RIOK1: variants seen among roughly 807,000 people sequenced by gnomAD.
RIOK1 encodes the protein RIO kinase 1.
Under a neutral mutation model 73.5 loss-of-function variants are expected in RIOK1, and 66 were observed. That is an observed-to-expected ratio of 0.90 (90% confidence interval 0.74 to 1.10). RIOK1 has a LOEUF of 1.10. RIOK1 is among the 50% of genes least tolerant of loss of function. The pLI, the probability that RIOK1 is intolerant of heterozygous loss-of-function variation, is 0.00. For missense variants in RIOK1, 658 were observed against 699.8 expected, an observed-to-expected ratio of 0.94 and a Z score of 0.67; for synonymous variants, 224 against 226.8, an observed-to-expected ratio of 0.99 and a Z score of 0.11.
In RIOK1 at chr6:7,395,897, G is replaced by A. The variant is rs552168099; in HGVS notation, c.367+754G>A. The stretch of plus-strand genomic sequence containing the variant: ...GCCAATTTTTATTTTCTGTAGAGAC[G>A]GGGTTTCTCCATGTTGACCAGGCTG... On this transcript the variant is annotated intron_variant, in intron 3 of 16. Transcript: ENST00000379834. 4.6e-5 allele frequency among the ~76,000 whole-genome samples: 7 copies of A among 152,078 alleles called. No homozygotes were observed. The South Asian group carries it at 1.0e-3, about 23-fold the overall frequency.
chr6:7,399,782 GAAGA>G (rs1761568421), intron 5 of RIOK1, among the ~76,000 whole-genome samples: 1 of 152,188 alleles, frequency 6.6e-6, no homozygotes, highest in Admixed American at 6.5e-5. Context: ...GTGCAGTAGA[GAAGA>G]AATGGAAACT....
At chr6:7,401,156 A>G in intron 6 of RIOK1, 106 bp downstream of exon 6, 1 of 723,444 alleles carries the variant, frequency 1.4e-6, no homozygotes, top group Non-Finnish European at 2.4e-6. Flanking sequence ...AGAAAAACAA[A>G]GCCATACACA....
At chr6:7,395,955 G>A (rs574856434) in intron 3 of RIOK1, among the ~76,000 whole-genome samples, 4 of 152,082 alleles carry the variant, frequency 2.6e-5, no homozygotes, top group Admixed American at 6.6e-5. Context: ...TGATCTGTCC[G>A]CCTCAGCCTC....
intron 8 of RIOK1, 127 bp from the exon 9 acceptor site, chr6:7,403,814 A>G: frequency 1.7e-6 from 1 of 601,670 alleles, no homozygotes; most frequent in Admixed American, 2.5e-5. Context: ...ATGAAATATT[A>G]TAATACATTT....
chr6:7,404,769 A>C, intron 10 of RIOK1, 149 bp from the exon 11 acceptor site: 2 of 878,438 alleles, frequency 2.3e-6, no homozygotes, highest in Non-Finnish European at 3.5e-6. Flanking sequence ...AAATTTTCCC[A>C]GTTCCATCTG....
rs570987208 is a variant in RIOK1 at position 7,402,857 on chromosome 6, G to A, written c.727G>A (p.Val243Met). Residue 243 changes from valine (V) to methionine (M), a missense_variant, in exon 8 of 17, where the codon GTG (valine) becomes ATG (methionine). Coordinates refer to ENST00000379834, the MANE Select transcript of RIOK1 (RefSeq NM_031480.3). ...GYCKGNPRKM[V>M]KTWAEKEMRN... ...TTGTAAAGGAAACCCTAGGAAAATGGTGAAAACTTGGGCAGAAAAAGAAAT... is the reference window on the plus strand; with the variant it reads ...TTGTAAAGGAAACCCTAGGAAAATGATGAAAACTTGGGCAGAAAAAGAAAT... 1 of 1,613,934 alleles carries A rather than the reference G, an allele frequency of 6.2e-7. No individual in the cohort carries two copies. Among genetic ancestry groups the A allele is most frequent in the South Asian group, 1.1e-5 (1 of 91,040 alleles).
chr6:7,409,264 TG>T, intron 12 of RIOK1, among the ~76,000 whole-genome samples: 1 of 136,224 alleles, frequency 7.3e-6, no homozygotes, highest in African/African-American at 3.0e-5. Flanking sequence ...TGTGTGTGTG[TG>T]TGTGTTTGAG....
At position 7,398,680 on chromosome 6, in the gene RIOK1, G is replaced by A. The variant is rs576947865; in HGVS notation, c.438-18G>A. ...TGAATTTTGAATGTGTCAACTATACGTTTTTGTTTTTGGTTAGGTATCGCA... is the reference window on the plus strand; with the variant it reads ...TGAATTTTGAATGTGTCAACTATACATTTTTGTTTTTGGTTAGGTATCGCA... On this transcript the variant is annotated intron_variant, in intron 4 of 16. Coordinates refer to ENST00000379834, the MANE Select transcript of RIOK1 (RefSeq NM_031480.3). 24 of 1,607,152 alleles carry A rather than the reference G, an allele frequency of 1.5e-5. No individual in the cohort carries two copies. In the African/African-American group the frequency reaches 2.0e-4, roughly 13 times the overall value.
chr6:7,416,016 A>G (rs1283127661), intron 16 of RIOK1, among the ~76,000 whole-genome samples: 2 of 152,214 alleles, frequency 1.3e-5, no homozygotes, highest in Non-Finnish European at 2.9e-5. Flanking sequence ...TTAAGCATCC[A>G]CTGGGAGTCT....
Position 7,389,936 on chromosome 6 carries a change from TG to T in RIOK1, c.-64del. The T allele has an allele frequency of 2.3e-6, 3 of 1,315,522 alleles. No homozygotes were observed. The highest frequency in any genetic ancestry group is 3.2e-6 in the Non-Finnish European group (3 of 941,748). 81.5% of individuals were successfully genotyped at this position (1,315,522 alleles called of 1,614,324 possible). On this transcript the variant is annotated 5_prime_UTR_variant, in exon 1 of 17. The change abolishes the stop of an existing upstream ORF in the 5' untranslated region. Transcript: ENST00000379834. The stretch of plus-strand genomic sequence containing the variant: ...CACGCCAAGGCCTTTGGATCGGCCG[TG>T]GGTACATCCGTCTGAGCCGTTCCTT...
intron 12 of RIOK1, among the ~76,000 whole-genome samples, chr6:7,405,777 GT>G (rs930729006): frequency 1.1e-4 from 15 of 131,832 alleles, no homozygotes; most frequent in Admixed American, 2.3e-4. Flanking sequence ...AAAGCCAGGG[GT>G]TTTTTTTTTT....
chr6:7,413,007 C>A, intron 15 of RIOK1, 65 bp downstream of exon 15: 1 of 802,484 alleles, frequency 1.2e-6, no homozygotes, highest in Non-Finnish European at 1.9e-6. Context: ...AAACTCTAGT[C>A]ATACTGTTTT....
chr6:7,414,072 C>T (rs566243379), intron 15 of RIOK1, among the ~76,000 whole-genome samples, 166 bp from the exon 16 acceptor site: 1 of 152,244 alleles, frequency 6.6e-6, no homozygotes, highest in South Asian at 2.1e-4. Flanking sequence ...TTCATGTTTC[C>T]CTCCTGATGT....
intron 6 of RIOK1, among the ~76,000 whole-genome samples, chr6:7,401,689 CTTTTTTT>C (rs35177259): frequency 1.8e-5 from 2 of 109,264 alleles, no homozygotes; most frequent in East Asian, 2.6e-4. Context: ...TAAACAGAGT[CTTTTTTT>C]TTTTTTTTTT....
At chr6:7,402,099 A>G (rs1200842333) in intron 6 of RIOK1, among the ~76,000 whole-genome samples, 1 of 152,206 alleles carries the variant, frequency 6.6e-6, no homozygotes, top group Non-Finnish European at 1.5e-5. Context: ...TGCATTGCTT[A>G]ATGAAGGGAA....
intron 13 of RIOK1, 58 bp from the exon 14 acceptor site, chr6:7,411,274 G>T: frequency 6.3e-7 from 1 of 1,585,688 alleles, no homozygotes; most frequent in South Asian, 1.1e-5. Flanking sequence ...GGAGTATGCT[G>T]TGTGAATGTG....
intron 1 of RIOK1, among the ~76,000 whole-genome samples, chr6:7,391,919 A>C (rs1488184225): frequency 6.6e-6 from 1 of 152,168 alleles, no homozygotes; most frequent in Non-Finnish European, 1.5e-5. Flanking sequence ...TTCTTCCTCC[A>C]CATGTCCACG....
intron 12 of RIOK1, among the ~76,000 whole-genome samples, chr6:7,409,812 A>C (rs1046505200): frequency 1.9e-4 from 29 of 151,970 alleles, no homozygotes; most frequent in Admixed American, 1.4e-3. Context: ...AAAAAAAAAA[A>C]AAACCTCTGC....
At position 7,395,075 on chromosome 6, in the gene RIOK1, G is replaced by C. The variant is rs776773785; in HGVS notation, c.299G>C (p.Ser100Thr). 1 of 1,613,876 alleles carries C rather than the reference G, an allele frequency of 6.2e-7. No homozygotes were observed. Among genetic ancestry groups the C allele is most frequent in the Non-Finnish European group, 8.5e-7 (1 of 1,179,828 alleles). Residue 100 changes from serine (S) to threonine (T), a missense_variant, in exon 3 of 17, where the codon AGC (serine) becomes ACC (threonine). By Grantham distance (58) the Ser-to-Thr change is moderately conservative. Coordinates refer to ENST00000379834, the MANE Select transcript of RIOK1 (RefSeq NM_031480.3). ...TAGGCAAATCGACAGACCTCCGACA[G>C]CAGTTCAGCCAAAATGTCTACTCCA... is the stretch of plus-strand genomic sequence containing the variant. Reference protein sequence around the residue: ...NPQANRQTSDSSSAKMSTPAD... With the variant: ...NPQANRQTSDTSSAKMSTPAD...
Sources: allele counts gnomAD v4.1 joint callset (sites outside exome capture counted in the v4.1 genomes callset), GRCh38; gene constraint gnomAD v4.1.1; transcripts MANE v1.5; gene names NCBI Gene and HGNC (gene_info 2026-07-23, HGNC 2026-07-21).